Variants in DOCK2 observed in about 807,000 individuals in gnomAD.
DOCK2 encodes dedicator of cytokinesis 2, also known as dedicator of cytokinesis protein 2.
DOCK2 carries 87 observed loss-of-function variants against 248.9 expected under a neutral mutation model. The ratio of observed to expected loss-of-function variants is 0.35; its 90% CI spans 0.29 to 0.42. DOCK2 has a LOEUF of 0.42. Ranked by LOEUF, DOCK2 falls within the 10% of genes least tolerant of loss-of-function variation. The pLI, the probability that DOCK2 is intolerant of heterozygous loss-of-function variation, is 1.00. For missense variants in DOCK2, 1,747 were observed against 2,300.2 expected (o/e 0.76, Z 4.92); for synonymous variants, 805 against 821.6 (o/e 0.98, Z 0.35).
chr5:170,043,407 C>A (rs182999763), intron 38 of DOCK2, among the ~76,000 whole-genome samples: 1 of 152,184 alleles, frequency 6.6e-6, no homozygotes, highest in African/African-American at 2.4e-5. Context: ...CCTACTCCAC[C>A]GCTTCCTCTC....
At position 169,701,356 on chromosome 5, in the gene DOCK2, C is replaced by T. The variant is rs114581213; in HGVS notation, c.1259-947C>T. Reference sequence around the variant, plus strand: ...GTCTTAAACCTGTGTCTTGGACTTCCGTTCACGATGGCTCTCACTGACTGG... The same window carrying T: ...GTCTTAAACCTGTGTCTTGGACTTCTGTTCACGATGGCTCTCACTGACTGG... On this transcript the variant is annotated intron_variant, in intron 13 of 51. Coordinates refer to ENST00000520908, the MANE Select transcript of DOCK2 (RefSeq NM_004946.3). 6.7e-3 allele frequency among the ~76,000 whole-genome samples: 1,023 copies of T among 152,288 alleles called. 6 individuals are homozygous for T. The highest frequency in any genetic ancestry group is 0.011 in the Non-Finnish European group (734 of 68,022).
intron 27 of DOCK2, among the ~76,000 whole-genome samples, chr5:169,961,713 C>T (rs531835248): frequency 3.9e-5 from 6 of 152,066 alleles, no homozygotes; most frequent in Non-Finnish European, 7.4e-5. Flanking sequence ...TGCAGTGGCT[C>T]ACGCCCGTAA....
chr5:170,081,621 C>A, intron 50 of DOCK2: 1 of 569,750 alleles, frequency 1.8e-6, no homozygotes, highest in Non-Finnish European at 3.0e-6. Flanking sequence ...AGCCAGGAGG[C>A]TGAACCCTTG....
At chr5:170,010,384 T>C (rs1755240030) in intron 32 of DOCK2, among the ~76,000 whole-genome samples, 2 of 152,102 alleles carry the variant, frequency 1.3e-5, no homozygotes, top group South Asian at 4.1e-4. Flanking sequence ...ACCATTGCTT[T>C]GCAATGGTAG....
chr5:170,003,853 C>T (rs995331611), intron 30 of DOCK2, among the ~76,000 whole-genome samples: 2 of 152,186 alleles, frequency 1.3e-5, no homozygotes, highest in Admixed American at 6.5e-5. Flanking sequence ...CCTCTAAGAG[C>T]GCTACACAGA....
chr5:169,792,828 C>T (rs530764790), intron 25 of DOCK2, among the ~76,000 whole-genome samples: 69 of 152,218 alleles, frequency 4.5e-4, no homozygotes, highest in African/African-American at 1.7e-3. Context: ...TTCAATTGGC[C>T]ATATATGCAT....
At chr5:169,788,071 A>G (rs536558529) in intron 25 of DOCK2, among the ~76,000 whole-genome samples, 4 of 152,262 alleles carry the variant, frequency 2.6e-5, no homozygotes, top group African/African-American at 7.2e-5. Flanking sequence ...TGAGTGTCTT[A>G]TAGATACTCA....
intron 26 of DOCK2, among the ~76,000 whole-genome samples, chr5:169,813,464 T>C (rs934732748): frequency 6.6e-6 from 1 of 152,130 alleles, no homozygotes; most frequent in Admixed American, 6.5e-5. Context: ...AGGACTTTAT[T>C]TTTTTCTTTC....
At chr5:170,049,401 C>G (rs561828221) in intron 40 of DOCK2, among the ~76,000 whole-genome samples, 1 of 152,336 alleles carries the variant, frequency 6.6e-6, no homozygotes, top group South Asian at 2.1e-4. Flanking sequence ...GCGTGAGCCA[C>G]CAGGCCCAGC....
At chr5:169,727,172 A>C (rs929439305) in intron 22 of DOCK2, among the ~76,000 whole-genome samples, 1 of 152,190 alleles carries the variant, frequency 6.6e-6, no homozygotes, top group Non-Finnish European at 1.5e-5. Flanking sequence ...TAGAACTTCC[A>C]ATGACTCCTG....
At chr5:170,037,216 T>C (rs1756351014) in intron 36 of DOCK2, among the ~76,000 whole-genome samples, 1 of 150,804 alleles carries the variant, frequency 6.6e-6, no homozygotes, top group Non-Finnish European at 1.5e-5. Context: ...TCCATACATA[T>C]TTCCAGGACT....
chr5:170,038,146 T>C (rs969479782), intron 36 of DOCK2, among the ~76,000 whole-genome samples: 1 of 152,180 alleles, frequency 6.6e-6, no homozygotes, highest in Non-Finnish European at 1.5e-5. Context: ...CTTGGATAAA[T>C]TACTCAATCT....
chr5:170,018,104 G>T (rs1007321973), intron 32 of DOCK2, among the ~76,000 whole-genome samples: 27 of 152,272 alleles, frequency 1.8e-4, no homozygotes, highest in Non-Finnish European at 2.5e-4. Context: ...GACATATAAA[G>T]ATATCATTTC....
intron 13 of DOCK2, among the ~76,000 whole-genome samples, chr5:169,700,871 G>A (rs1760925879): frequency 6.6e-6 from 1 of 151,574 alleles, no homozygotes. Flanking sequence ...AGAGGGCGGC[G>A]GGCGGGGGCA....
intron 27 of DOCK2, among the ~76,000 whole-genome samples, chr5:169,950,577 T>C (rs1355706754): frequency 1.3e-5 from 2 of 152,214 alleles, no homozygotes; most frequent in Non-Finnish European, 2.9e-5. Flanking sequence ...GTTTCTCTTT[T>C]GGTTTTAGTT....
At chr5:169,865,016 A>T (rs1240710632) in intron 27 of DOCK2, among the ~76,000 whole-genome samples, 1 of 152,226 alleles carries the variant, frequency 6.6e-6, no homozygotes, top group Non-Finnish European at 1.5e-5. Flanking sequence ...CATCATCATC[A>T]TTAACATAAT....
At chr5:169,692,233 T>C (rs1760348767) in intron 9 of DOCK2, among the ~76,000 whole-genome samples, 1 of 152,142 alleles carries the variant, frequency 6.6e-6, no homozygotes, top group South Asian at 2.1e-4. Context: ...TTCCCTAAGA[T>C]TTAGCCCAGT....
At chr5:169,639,976 T>G (rs1757062752) in intron 1 of DOCK2, among the ~76,000 whole-genome samples, 1 of 152,252 alleles carries the variant, frequency 6.6e-6, no homozygotes, top group Non-Finnish European at 1.5e-5. Flanking sequence ...TTGGCTTGTC[T>G]CATGGCCTAT....
intron 13 of DOCK2, 63 bp downstream of exon 13, chr5:169,700,202 C>A (rs898472864): frequency 3.2e-5 from 50 of 1,561,544 alleles, no homozygotes; most frequent in Non-Finnish European, 3.7e-5. Flanking sequence ...TTGTCTAATT[C>A]ATTTTCCTTC....
Sources: allele counts gnomAD v4.1 joint callset (sites outside exome capture counted in the v4.1 genomes callset), GRCh38; gene constraint gnomAD v4.1.1; transcripts MANE v1.5; gene names NCBI Gene and HGNC (gene_info 2026-07-23, HGNC 2026-07-21).